The following AKAP6 variants were observed in gnomAD, a reference collection of about 807,000 sequenced individuals.
AKAP6 encodes the protein A-kinase anchor protein 6.
In AKAP6, 58 loss-of-function variants were observed where a neutral mutation model predicts 188.5. The observed-to-expected ratio is 0.31, with a 90% CI of 0.25 to 0.38. The LOEUF (loss-of-function observed/expected upper bound fraction) is 0.38. Ranked by LOEUF, AKAP6 falls within the 10% of genes least tolerant of loss-of-function variation. AKAP6 has a pLI of 1.00. For missense variants in AKAP6, 2,710 were observed against 2,740.0 expected (o/e 0.99, Z 0.24); for synonymous variants, 989 against 998.6 (o/e 0.99, Z 0.18).
chr14:32,386,965 G>T (rs189963618), intron 1 of AKAP6, among the ~76,000 whole-genome samples: 1 of 152,158 alleles, frequency 6.6e-6, no homozygotes, highest in East Asian at 1.9e-4. Context: ...ATTAGTGTAT[G>T]TGCTGATTTT....
intron 5 of AKAP6, among the ~76,000 whole-genome samples, chr14:32,594,085 A>G (rs558106151): frequency 6.6e-6 from 1 of 152,296 alleles, no homozygotes; most frequent in African/African-American, 2.4e-5. Context: ...GCACTGCTTT[A>G]ACGCTTTATA....
intron 10 of AKAP6, chr14:32,733,962 G>C (rs1278239370): frequency 6.6e-6 from 1 of 152,016 alleles, no homozygotes; most frequent in Non-Finnish European, 1.5e-5. Context: ...AATATTTTTA[G>C]AAAATTGTTT....
intron 2 of AKAP6, among the ~76,000 whole-genome samples, chr14:32,446,935 A>AT (rs1890774603): frequency 2.0e-5 from 3 of 152,032 alleles, no homozygotes; most frequent in South Asian, 2.1e-4. Flanking sequence ...TCTTTTATTG[A>AT]TTTTTTATAG....
At chr14:32,357,985 A>C (rs1327795456) in intron 1 of AKAP6, among the ~76,000 whole-genome samples, 1 of 152,260 alleles carries the variant, frequency 6.6e-6, no homozygotes, top group African/African-American at 2.4e-5. Context: ...GAAAAATACC[A>C]GCTGCACTTT....
intron 1 of AKAP6, among the ~76,000 whole-genome samples, chr14:32,401,425 T>G (rs1028117326): frequency 1.3e-5 from 2 of 152,178 alleles, no homozygotes; most frequent in East Asian, 1.9e-4. Context: ...TTTTTATTTC[T>G]TTTTTTGAAC....
In AKAP6 at chr14:32,822,954, C is replaced by T. The variant is rs143719716; in HGVS notation, c.5141C>T (p.Ser1714Leu). Residue 1714 changes from serine (S) to leucine (L), a missense_variant, in exon 13 of 14, where the codon TCG becomes TTG. This residue lies in a region of AKAP6 where 2,473 missense variants were observed against 2,426.1 expected (regional missense o/e 1.02). Transcript: ENST00000280979. ...IVLHKNKIPE[S>L]NASFRKRLTR... is the part of the protein sequence containing the mutation. Reference sequence around the variant, plus strand: ...TTACACAAGAACAAGATCCCGGAATCGAATGCATCGTTCAGGAAGCGTCTG... The same window carrying T: ...TTACACAAGAACAAGATCCCGGAATTGAATGCATCGTTCAGGAAGCGTCTG... 9.9e-6 allele frequency: 16 copies of T among 1,613,888 alleles called. No individual in the cohort carries two copies. Among genetic ancestry groups the T allele is most frequent in the East Asian group, 4.5e-5 (2 of 44,862 alleles).
At chr14:32,353,309 T>C (rs1368397321) in intron 1 of AKAP6, among the ~76,000 whole-genome samples, 1 of 152,196 alleles carries the variant, frequency 6.6e-6, no homozygotes, top group African/African-American at 2.4e-5. Context: ...ACGCCTGTAA[T>C]CCCAGCACTT....
At chr14:32,728,347 A>ATTCT (rs2030985508) in intron 9 of AKAP6, among the ~76,000 whole-genome samples, 1 of 124,230 alleles carries the variant, frequency 8.0e-6, no homozygotes, top group Non-Finnish European at 1.7e-5. Context: ...TTCTCAGTGT[A>ATTCT]TTCTATCTAT....
chr14:32,823,758 A>T lies in AKAP6; in HGVS notation c.5945A>T (p.Lys1982Met), dbSNP rs2034597216. ...AGCACTGCCTCTACTCCCACTGAGAAGTCTTTCTCAGAACTGGCTTTAGAA... is the reference window on the plus strand; with the variant it reads ...AGCACTGCCTCTACTCCCACTGAGATGTCTTTCTCAGAACTGGCTTTAGAA... The part of the protein sequence containing the change: ...NQSTASTPTE[K>M]SFSELALETR... The change falls in exon 13 of 14, where the codon AAG becomes ATG. Residue 1982 changes from lysine (K) to methionine (M), a missense_variant. Physicochemically the swap from Lys to Met is moderately conservative, Grantham distance 95 (BLOSUM62 -1). Transcript: ENST00000280979. The T allele has an allele frequency of 6.2e-7, 1 of 1,613,684 alleles. No homozygotes were observed. The highest frequency in any genetic ancestry group is 2.2e-5 in the East Asian group (1 of 44,878).
intron 2 of AKAP6, among the ~76,000 whole-genome samples, chr14:32,512,405 G>A (rs1566547995): frequency 1.3e-5 from 2 of 152,154 alleles, no homozygotes; most frequent in Admixed American, 6.6e-5. Flanking sequence ...TTAATCTGGA[G>A]GTTTAGAAAG....
chr14:32,688,303 A>G (rs987722203), intron 8 of AKAP6, among the ~76,000 whole-genome samples: 21 of 152,106 alleles, frequency 1.4e-4, no homozygotes, highest in Admixed American at 1.2e-3. Flanking sequence ...ATTTCATTTT[A>G]GTATACTGAG....
chr14:32,579,237 G>T (rs761332311), intron 5 of AKAP6, among the ~76,000 whole-genome samples: 3 of 152,238 alleles, frequency 2.0e-5, no homozygotes, highest in Non-Finnish European at 4.4e-5. Flanking sequence ...AAATGTGGAA[G>T]TTATTCTCCA....
At chr14:32,410,522 A>G (rs1889447057) in intron 1 of AKAP6, among the ~76,000 whole-genome samples, 2 of 152,186 alleles carry the variant, frequency 1.3e-5, no homozygotes, top group South Asian at 2.1e-4. Context: ...CCTCAGGCAC[A>G]TGTTCTCAGG....
chr14:32,721,325 A>T (rs1411330212), intron 9 of AKAP6, among the ~76,000 whole-genome samples: 1 of 152,212 alleles, frequency 6.6e-6, no homozygotes, highest in East Asian at 1.9e-4. Context: ...GCAAGGATTA[A>T]AATGCACATC....
rs1307511500 is a variant in AKAP6, at chr14:32,545,615, T to C, written c.962T>C (p.Leu321Ser). Residue 321 changes from leucine to serine, a missense_variant, in exon 4 of 14, where the codon TTA becomes TCA. By Grantham distance (145) the Leu-to-Ser change is moderately radical. Around this residue, in one of 2 missense-constraint regions of AKAP6, gnomAD observed 2,473 missense variants for 2,426.1 expected, o/e 1.02. Coordinates refer to ENST00000280979, the MANE Select transcript of AKAP6 (RefSeq NM_004274.5). ...TCTGCAGTCGAAGAGCAACCAGGCT[T>C]AACACTGGGGGTGTCATCATCTTCA... ...NASAVEEQPG[L>S]TLGVSSSSGE... 1 of 1,614,138 alleles carries C rather than the reference T, an allele frequency of 6.2e-7. No individual in the cohort carries two copies. Among genetic ancestry groups the C allele is most frequent in the Non-Finnish European group, 8.5e-7 (1 of 1,180,008 alleles).
At chr14:32,722,987 C>T (rs2030630727) in intron 9 of AKAP6, among the ~76,000 whole-genome samples, 1 of 152,156 alleles carries the variant, frequency 6.6e-6, no homozygotes, top group Admixed American at 6.5e-5. Context: ...ATGGGCAACC[C>T]CTAGATGCTG....
chr14:32,424,106 T>C (rs1038507377), intron 1 of AKAP6, among the ~76,000 whole-genome samples: 1 of 152,222 alleles, frequency 6.6e-6, no homozygotes, highest in African/African-American at 2.4e-5. Context: ...CCTCTCATAA[T>C]GCTGATTTCT....
chr14:32,489,299 C>G (rs1879871877), intron 2 of AKAP6, among the ~76,000 whole-genome samples: 1 of 152,202 alleles, frequency 6.6e-6, no homozygotes, highest in African/African-American at 2.4e-5. Flanking sequence ...GTCTCAAACT[C>G]CTGGGCTCAA....
chr14:32,701,179 A>G (rs1379308185), intron 9 of AKAP6, among the ~76,000 whole-genome samples: 1 of 152,164 alleles, frequency 6.6e-6, no homozygotes, highest in African/African-American at 2.4e-5. Context: ...TATTTATAAG[A>G]ATCAACATGA....
Sources: allele counts gnomAD v4.1 joint callset (sites outside exome capture counted in the v4.1 genomes callset), GRCh38; gene constraint gnomAD v4.1.1; regional missense constraint gnomAD v4.1.1; transcripts MANE v1.5; gene names NCBI Gene and HGNC (gene_info 2026-07-23, HGNC 2026-07-21).